The following TM2D1 variants were observed in gnomAD, a reference collection of about 807,000 sequenced individuals.
The protein encoded by TM2D1 is TM2 domain containing 1, also known as TM2 domain-containing protein 1.
A neutral mutation model predicts 28.4 loss-of-function variants in TM2D1; 15 were observed. The observed-to-expected ratio is 0.53, with a 90% CI of 0.35 to 0.81. The LOEUF is 0.81. Among genes scored for constraint, TM2D1 ranks in the 40% least tolerant of loss-of-function variants. The pLI is 0.01. For synonymous variants in TM2D1, 93 were observed against 96.2 expected (o/e 0.97, Z 0.20); for missense variants, 236 against 254.9 (o/e 0.93, Z 0.50).
At chr1:61,711,589 C>A (rs543405291) in intron 2 of TM2D1, among the ~76,000 whole-genome samples, 1 of 149,916 alleles carries the variant, frequency 6.7e-6, no homozygotes, top group East Asian at 2.0e-4. Flanking sequence ...GATCATGCCA[C>A]TGCACTCCAG....
chr1:61,713,617 C>T (rs1292045701), intron 2 of TM2D1, among the ~76,000 whole-genome samples: 1 of 151,458 alleles, frequency 6.6e-6, no homozygotes, highest in African/African-American at 2.4e-5. Flanking sequence ...TGCCAGAAAG[C>T]ACAGTATTAC....
intron 5 of TM2D1, among the ~76,000 whole-genome samples, chr1:61,689,510 C>T (rs1644308807): frequency 6.6e-6 from 1 of 152,110 alleles, no homozygotes; most frequent in Non-Finnish European, 1.5e-5. Context: ...GTTGGAACTA[C>T]AGGCATGCAC....
rs370098461 is a variant in TM2D1, at chr1:61,715,825, G to A, written c.239-6388C>T. 4.0e-5 allele frequency among the ~76,000 whole-genome samples: 6 copies of A among 150,570 alleles called. No individual in the cohort carries two copies. The South Asian group carries it at 8.4e-4, about 21-fold the overall frequency. Reference sequence around the variant, plus strand: ...GTTTATTTTTTTGTTTTTTTGAGACGGAGTCTGGCTCTGTCACCCAGGCTG... The same window carrying A: ...GTTTATTTTTTTGTTTTTTTGAGACAGAGTCTGGCTCTGTCACCCAGGCTG... On this transcript the variant is annotated intron_variant, in intron 2 of 6. Transcript: ENST00000606498.
chr1:61,700,881 A>G, intron 4 of TM2D1, 53 bp downstream of exon 4: 1 of 1,341,254 alleles, frequency 7.5e-7, no homozygotes, highest in South Asian at 1.3e-5. Flanking sequence ...AACACCTACA[A>G]TGAACTAAAA....
chr1:61,691,459 C>A (rs1289881795), intron 5 of TM2D1, among the ~76,000 whole-genome samples: 4 of 136,528 alleles, frequency 2.9e-5, no homozygotes, highest in Non-Finnish European at 6.1e-5. Context: ...CACACCATTG[C>A]ACTCCAGCCT....
intron 2 of TM2D1, among the ~76,000 whole-genome samples, chr1:61,720,455 T>A (rs2148069642): frequency 6.6e-6 from 1 of 152,226 alleles, no homozygotes; most frequent in Middle Eastern, 3.4e-3. Flanking sequence ...TTTGCCAGAC[T>A]GGTCTCAAAC....
chr1:61,716,278 C>G (rs999947311), intron 2 of TM2D1, among the ~76,000 whole-genome samples: 94 of 150,662 alleles, frequency 6.2e-4, no homozygotes, highest in African/African-American at 6.8e-4. Context: ...ACGATCCTGC[C>G]ATTGCACTAC....
At chr1:61,697,952 A>T (rs1644375657) in intron 4 of TM2D1, 1 of 152,248 alleles carries the variant, frequency 6.6e-6, no homozygotes, top group African/African-American at 2.4e-5. Context: ...ATTTTTGTGA[A>T]GCATCCCTAA....
chr1:61,719,409 C>CAGAGAGAGAGAG (rs59016152), intron 2 of TM2D1, among the ~76,000 whole-genome samples: 5 of 149,224 alleles, frequency 3.4e-5, no homozygotes, highest in African/African-American at 9.8e-5. Flanking sequence ...AGTATATACA[C>CAGAGAGAGAGAG]AGAGAGAGAG....
chr1:61,712,324 T>C (rs1644484578), intron 2 of TM2D1, among the ~76,000 whole-genome samples: 1 of 152,248 alleles, frequency 6.6e-6, no homozygotes, highest in South Asian at 2.1e-4. Flanking sequence ...TAAATTTTTA[T>C]AAACTATATA....
Position 61,694,460 on chromosome 1 carries a change from C to T in TM2D1, c.513+237G>A, listed in dbSNP as rs369584651. On this transcript the variant is annotated intron_variant, in intron 5 of 6. Coordinates refer to ENST00000606498, the MANE Select transcript of TM2D1 (RefSeq NM_032027.3). ...CACATTTACAAATCATATTTGAGCA[C>T]GGGATATTTTTTAATGAACTTCTTA... 160 of 328,028 alleles carry T rather than the reference C, an allele frequency of 4.9e-4. 2 individuals are homozygous for T. The highest frequency in any genetic ancestry group is 3.0e-3 in the African/African-American group (141 of 46,894). 20.3% of individuals were successfully genotyped at this position (328,028 alleles called of 1,614,324 possible). A position where few individuals can be genotyped will look rare whatever the true frequency, so the allele number is the denominator to read the frequency against.
chr1:61,722,946 C>T (rs1286626), intron 2 of TM2D1, among the ~76,000 whole-genome samples: 1 of 151,938 alleles, frequency 6.6e-6, no homozygotes, highest in South Asian at 2.1e-4. Flanking sequence ...GTATTTTTCT[C>T]GCCTAGAGGG....
intron 6 of TM2D1, 137 bp downstream of exon 6, chr1:61,683,280 T>C (rs757648151): frequency 5.9e-5 from 20 of 339,730 alleles, no homozygotes; most frequent in African/African-American, 8.5e-5. Flanking sequence ...TTTCAAAGGA[T>C]TGGAGATGTT....
In TM2D1 at chr1:61,720,240, T is replaced by TC. The variant is rs1288699390; in HGVS notation, c.238+3472dup. 3.9e-5 allele frequency among the ~76,000 whole-genome samples: 6 copies of TC among 152,022 alleles called. No individual in the cohort carries two copies. The East Asian group carries it at 1.2e-3, about 29-fold the overall frequency. On this transcript the variant is annotated intron_variant, in intron 2 of 6. Transcript: ENST00000606498. ...GTGTATGTAACCCAGACAGGACACT[T>TC]CTTTTTTTTTTTCTTTTTTTAGACA...
intron 5 of TM2D1, among the ~76,000 whole-genome samples, chr1:61,690,435 C>A (rs1262486714): frequency 6.0e-5 from 6 of 100,252 alleles, no homozygotes; most frequent in Admixed American, 3.3e-4. Flanking sequence ...CCAGCCTGAG[C>A]AATAGGGCAA....
chr1:61,693,194 C>T (rs1644341263), intron 5 of TM2D1, among the ~76,000 whole-genome samples: 1 of 152,128 alleles, frequency 6.6e-6, no homozygotes, highest in Admixed American at 6.5e-5. Context: ...TCTGAGATCA[C>T]ACCACTGCAC....
At chr1:61,702,214 T>A (rs1336276732) in intron 3 of TM2D1, among the ~76,000 whole-genome samples, 1 of 151,432 alleles carries the variant, frequency 6.6e-6, no homozygotes, top group Admixed American at 6.6e-5. Context: ...AAATAAGTAA[T>A]GAATCCAAAG....
intron 2 of TM2D1, among the ~76,000 whole-genome samples, chr1:61,723,195 T>C (rs989882934): frequency 6.6e-6 from 1 of 152,106 alleles, no homozygotes; most frequent in East Asian, 1.9e-4. Context: ...TAATCAAATA[T>C]AAACCAAAGT....
chr1:61,688,379 C>G (rs1397121750), intron 5 of TM2D1, among the ~76,000 whole-genome samples: 1 of 152,116 alleles, frequency 6.6e-6, no homozygotes, highest in African/African-American at 2.4e-5. Context: ...ATATATCACA[C>G]CAGGGTTAAA....
Sources: gnomAD v4.1 joint callset for allele counts (sites outside exome capture counted in the v4.1 genomes callset) on GRCh38, gnomAD v4.1.1 for gene constraint, MANE v1.5 for transcripts, NCBI Gene and HGNC (gene_info 2026-07-23, HGNC 2026-07-21) for gene names.